CDKAL1: variants seen among roughly 807,000 people sequenced by gnomAD.
CDKAL1 encodes the protein CDKAL1 threonylcarbamoyladenosine tRNA methylthiotransferase.
In CDKAL1, 32 loss-of-function variants were observed where a neutral mutation model predicts 68.2. The ratio of observed to expected loss-of-function variants is 0.47; its 90% CI spans 0.35 to 0.63. CDKAL1 has a LOEUF of 0.63. Among genes scored for constraint, CDKAL1 ranks in the 30% least tolerant of loss-of-function variants. The pLI is 0.00. For missense variants in CDKAL1, 606 were observed against 696.7 expected (o/e 0.87, Z 1.47); for synonymous variants, 234 against 244.3 (o/e 0.96, Z 0.39).
intron 8 of CDKAL1, among the ~76,000 whole-genome samples, chr6:20,797,316 C>A (rs1776148560): frequency 6.6e-6 from 1 of 152,100 alleles, no homozygotes. Context: ...ACCTATTCGA[C>A]CAAGTAAAAT....
At chr6:20,796,294 A>G (rs551057644) in intron 8 of CDKAL1, among the ~76,000 whole-genome samples, 71 of 152,358 alleles carry the variant, frequency 4.7e-4, no homozygotes, top group Admixed American at 1.7e-3. Flanking sequence ...AAATCTGACA[A>G]ATTATGTATA....
chr6:21,207,841 A>T (rs368949170), intron 15 of CDKAL1, among the ~76,000 whole-genome samples: 3 of 152,326 alleles, frequency 2.0e-5, no homozygotes, highest in South Asian at 2.1e-4. Flanking sequence ...CCAATATCTT[A>T]TCATTTCAAA....
chr6:20,668,672 T>C (rs566525935), intron 5 of CDKAL1, among the ~76,000 whole-genome samples: 4 of 152,356 alleles, frequency 2.6e-5, no homozygotes, highest in African/African-American at 7.2e-5. Flanking sequence ...TACATAGCCA[T>C]GATGCAGTGA....
rs560397127 is a variant in CDKAL1 at position 20,668,284 on chromosome 6, G to A, written c.371+18907G>A. On this transcript the variant is annotated intron_variant, in intron 5 of 15. Transcript: ENST00000274695. ...CTCTCGACTTTTTTGGTAATAATTGGCATTATAAATACTGCTTAGAAGAAT... is the reference window on the plus strand; with the variant it reads ...CTCTCGACTTTTTTGGTAATAATTGACATTATAAATACTGCTTAGAAGAAT... Among the ~76,000 whole-genome samples the A allele has an allele frequency of 2.0e-5, 3 of 152,158 alleles. No individual in the cohort carries two copies. The East Asian group carries it at 5.8e-4, about 29-fold the overall frequency.
chr6:21,187,883 A>G (rs1299855346), intron 13 of CDKAL1, among the ~76,000 whole-genome samples: 1 of 152,218 alleles, frequency 6.6e-6, no homozygotes, highest in Non-Finnish European at 1.5e-5. Context: ...TGGGGAATGT[A>G]TGAAAAAAAT....
At position 20,809,223 on chromosome 6, in the gene CDKAL1, C is replaced by T. The variant is rs1581621404; in HGVS notation, c.638+27958C>T. Among the ~76,000 whole-genome samples the T allele has an allele frequency of 2.6e-5, 4 of 152,294 alleles. No individual in the cohort carries two copies. The South Asian group carries it at 8.3e-4, about 32-fold the overall frequency. On this transcript the variant is annotated intron_variant, in intron 8 of 15. Transcript: ENST00000274695. ...AGACTTTTCAGCTACAGCTCCCAAC[C>T]CCAGTCATCACTCACAGGGCCATTC...
intron 5 of CDKAL1, among the ~76,000 whole-genome samples, chr6:20,650,639 C>T (rs1249525338): frequency 2.0e-5 from 3 of 152,146 alleles, no homozygotes; most frequent in Non-Finnish European, 4.4e-5. Context: ...GTGCCTATGT[C>T]CTGAATGGTA....
At chr6:20,556,411 A>G (rs987651316) in intron 4 of CDKAL1, among the ~76,000 whole-genome samples, 2 of 151,854 alleles carry the variant, frequency 1.3e-5, no homozygotes, top group Non-Finnish European at 2.9e-5. Context: ...TAGCAGTGTC[A>G]GCAGAGTGCT....
chr6:20,910,712 G>A (rs1434506102), intron 9 of CDKAL1, among the ~76,000 whole-genome samples: 2 of 152,186 alleles, frequency 1.3e-5, no homozygotes, highest in Non-Finnish European at 2.9e-5. Context: ...CTCGGAGCAT[G>A]AGTTTATTTG....
chr6:20,676,650 G>A lies in CDKAL1; in HGVS notation c.371+27273G>A, dbSNP rs531335725. Among the ~76,000 whole-genome samples, 5 of 149,582 alleles carry A rather than the reference G, an allele frequency of 3.3e-5. No individual in the cohort carries two copies. The East Asian group carries it at 9.9e-4, about 30-fold the overall frequency. On this transcript the variant is annotated intron_variant, in intron 5 of 15. Transcript: ENST00000274695. Reference sequence around the variant, plus strand: ...CCACTGCACTCCAGCCTGGGTGACAGAGCGAGACTCTGTCTTAAATAAATA... The same window carrying A: ...CCACTGCACTCCAGCCTGGGTGACAAAGCGAGACTCTGTCTTAAATAAATA...
chr6:21,177,410 A>G (rs13219198), intron 13 of CDKAL1, among the ~76,000 whole-genome samples: 1 of 152,236 alleles, frequency 6.6e-6, no homozygotes, highest in Non-Finnish European at 1.5e-5. Context: ...TATCAAATAC[A>G]TTAAGAACTA....
intron 2 of CDKAL1, among the ~76,000 whole-genome samples, chr6:20,542,067 T>A (rs965340450): frequency 2.6e-5 from 4 of 152,362 alleles, no homozygotes; most frequent in East Asian, 1.9e-4. Context: ...TTACTGACAA[T>A]ATAAAGCTAG....
At chr6:21,034,046 A>C (rs1486362463) in intron 11 of CDKAL1, among the ~76,000 whole-genome samples, 1 of 152,210 alleles carries the variant, frequency 6.6e-6, no homozygotes, top group Non-Finnish European at 1.5e-5. Flanking sequence ...ATCTGGAACC[A>C]GCTAGGGAAA....
At chr6:20,849,024 C>G (rs1758853695) in intron 9 of CDKAL1, among the ~76,000 whole-genome samples, 1 of 151,824 alleles carries the variant, frequency 6.6e-6, no homozygotes, top group Non-Finnish European at 1.5e-5. Flanking sequence ...AACTCCTGGC[C>G]TCAAGCCACC....
At chr6:20,727,689 G>C (rs1772718360) in intron 5 of CDKAL1, among the ~76,000 whole-genome samples, 1 of 152,136 alleles carries the variant, frequency 6.6e-6, no homozygotes, top group South Asian at 2.1e-4. Context: ...GATGGGGAAG[G>C]ACAGGGAGAT....
intron 13 of CDKAL1, among the ~76,000 whole-genome samples, chr6:21,131,208 G>C (rs189583879): frequency 2.0e-5 from 3 of 152,266 alleles, no homozygotes; most frequent in Non-Finnish European, 4.4e-5. Context: ...CTGTGACTGG[G>C]CCAGAGAAAA....
chr6:20,540,077 C>CTTTTTT (rs71538791), intron 2 of CDKAL1, among the ~76,000 whole-genome samples: 5 of 131,266 alleles, frequency 3.8e-5, no homozygotes, highest in African/African-American at 1.5e-4. Context: ...TTGGGATTGT[C>CTTTTTT]TTTTTTTTTT....
chr6:20,786,858 G>A (rs1775700117), intron 8 of CDKAL1, among the ~76,000 whole-genome samples: 9 of 151,960 alleles, frequency 5.9e-5, no homozygotes, highest in Admixed American at 5.9e-4. Flanking sequence ...GGTAGTGTAG[G>A]GGACAAAAGT....
chr6:20,838,004 TTATATATGTATACATCTACTTG>T (rs1468135171), intron 8 of CDKAL1, among the ~76,000 whole-genome samples: 5 of 150,242 alleles, frequency 3.3e-5, no homozygotes, highest in East Asian at 1.9e-4. Flanking sequence ...TATATGATTT[TTATATATGTATACATCTACTTG>T]TATATATGTA....
Sources: allele counts gnomAD v4.1 joint callset (sites outside exome capture counted in the v4.1 genomes callset), GRCh38; gene constraint gnomAD v4.1.1; transcripts MANE v1.5; gene names NCBI Gene and HGNC (gene_info 2026-07-23, HGNC 2026-07-21).